Variants in DACH2 observed in about 807,000 individuals in gnomAD.
DACH2 encodes the protein dachshund family transcription factor 2.
A neutral mutation model predicts 35.8 loss-of-function variants in DACH2; 17 were observed. The observed-to-expected ratio is 0.48, with a 90% confidence interval of 0.33 to 0.71. The LOEUF (loss-of-function observed/expected upper bound fraction) is 0.71, where lower values mean the gene tolerates loss of function less well. Ranked by LOEUF, DACH2 falls within the 30% of genes least tolerant of loss-of-function variation. The pLI, the probability that DACH2 is intolerant of heterozygous loss-of-function variation, is 0.02. For synonymous variants in DACH2, 195 were observed against 177.3 expected (o/e 1.10, Z -0.79); for missense variants, 469 against 472.7 (o/e 0.99, Z 0.07).
chrX:86,349,471 G>A (rs988650279), intron 1 of DACH2, among the ~76,000 whole-genome samples: 1 of 111,958 alleles, frequency 8.9e-6, no homozygotes, highest in Non-Finnish European at 1.9e-5. Flanking sequence ...CTTTGGGTGC[G>A]AAAACAGGAG....
Position 86,521,762 on chromosome X carries a change from T to C in DACH2, c.640+7371T>C, listed in dbSNP as rs775849838. Among the ~76,000 whole-genome samples the C allele has an allele frequency of 6.2e-5, 7 of 112,111 alleles. No individual in the cohort carries two copies. In the East Asian group the frequency reaches 8.4e-4, roughly 13 times the overall value. On this transcript the variant is annotated intron_variant, in intron 3 of 11. Coordinates refer to ENST00000373125, the MANE Select transcript of DACH2 (RefSeq NM_053281.3). ...ACATAAATTCCTTCCTTAGTTTACA[T>C]GAATTTATTTTATATGCCCAGCAGT...
chrX:86,343,462 A>C (rs2035446625), intron 1 of DACH2, among the ~76,000 whole-genome samples: 1 of 111,712 alleles, frequency 9.0e-6, no homozygotes, highest in South Asian at 3.7e-4. Context: ...CAGAGCTGTG[A>C]CTTAGAGTTT....
intron 1 of DACH2, among the ~76,000 whole-genome samples, chrX:86,316,604 C>G (rs762704972): frequency 2.7e-5 from 3 of 111,635 alleles, no homozygotes; most frequent in Non-Finnish European, 5.6e-5. Context: ...GAATGGAATA[C>G]CTAATGGCTG....
chrX:86,414,100 G>A (rs1455033977), intron 2 of DACH2, among the ~76,000 whole-genome samples: 1 of 111,428 alleles, frequency 9.0e-6, no homozygotes, highest in Non-Finnish European at 1.9e-5. Flanking sequence ...TCCTCAAGGG[G>A]ACCCAGCCTC....
chrX:86,208,547 G>A (rs369673959), intron 1 of DACH2, among the ~76,000 whole-genome samples: 103 of 111,285 alleles, frequency 9.3e-4, no homozygotes, highest in Middle Eastern at 9.3e-3. Flanking sequence ...AAAAATATTA[G>A]CACTATTACT....
chrX:86,283,780 G>A (rs1249862955), intron 1 of DACH2, among the ~76,000 whole-genome samples: 2 of 108,567 alleles, frequency 1.8e-5, no homozygotes, highest in Non-Finnish European at 1.9e-5. Context: ...AATATAGATG[G>A]GTTGATGGGT....
chrX:86,520,638 A>G (rs1473799456), intron 3 of DACH2, among the ~76,000 whole-genome samples: 1 of 111,764 alleles, frequency 8.9e-6, no homozygotes, highest in African/African-American at 3.2e-5. Context: ...GCTGAATTAA[A>G]GACTTTACCA....
At chrX:86,544,720 A>G (rs1285195221) in intron 3 of DACH2, among the ~76,000 whole-genome samples, 1 of 111,810 alleles carries the variant, frequency 8.9e-6, no homozygotes, top group African/African-American at 3.3e-5. Flanking sequence ...GACACTATGC[A>G]GCAACAACAC....
chrX:86,185,237 A>G (rs982626638), intron 1 of DACH2, among the ~76,000 whole-genome samples: 25 of 112,028 alleles, frequency 2.2e-4, no homozygotes, highest in African/African-American at 8.1e-4. Flanking sequence ...ATATTTGGCA[A>G]CTTGCATACG....
chrX:86,547,318 TG>T (rs1327788949), intron 3 of DACH2, among the ~76,000 whole-genome samples: 1 of 111,914 alleles, frequency 8.9e-6, no homozygotes, highest in South Asian at 3.7e-4. Context: ...AAAATTTCAT[TG>T]GCCAGTGGGA....
chrX:86,262,292 C>A (rs1387026574), intron 1 of DACH2, among the ~76,000 whole-genome samples: 6 of 110,893 alleles, frequency 5.4e-5, no homozygotes, highest in African/African-American at 2.0e-4. Context: ...TGTCTCAAAA[C>A]AAAACAAAAC....
chrX:86,491,893 C>T (rs1275106378), intron 2 of DACH2, among the ~76,000 whole-genome samples: 1 of 111,434 alleles, frequency 9.0e-6, no homozygotes, highest in East Asian at 2.8e-4. Context: ...GTTACCCAAT[C>T]TATATTTTGC....
intron 1 of DACH2, among the ~76,000 whole-genome samples, chrX:86,169,080 A>G (rs1464503071): frequency 9.0e-6 from 1 of 111,625 alleles, no homozygotes; most frequent in Non-Finnish European, 1.9e-5. Flanking sequence ...CTTATAAGAT[A>G]GGTCTGATGT....
At chrX:86,556,789 TATATATAGAGAGAGAGAGAG>T (rs1804469169) in intron 3 of DACH2, among the ~76,000 whole-genome samples, 1 of 37,262 alleles carries the variant, frequency 2.7e-5, no homozygotes, top group African/African-American at 1.2e-4. Context: ...TATATATATA[TATATATAGAGAGAGAGAGAG>T]AGAGAGAGAG....
intron 2 of DACH2, among the ~76,000 whole-genome samples, chrX:86,508,121 A>C (rs1027430091): frequency 3.6e-5 from 4 of 111,824 alleles, no homozygotes; most frequent in African/African-American, 1.3e-4. Context: ...TGTGAATGTT[A>C]ATTTCTTATC....
chrX:86,372,750 G>A (rs1273221946), intron 1 of DACH2, among the ~76,000 whole-genome samples: 2 of 110,949 alleles, frequency 1.8e-5, no homozygotes, highest in Non-Finnish European at 3.8e-5. Flanking sequence ...TGAGGTTTGA[G>A]GTGTGAATGA....
At chrX:86,226,285 T>C (rs2032821437) in intron 1 of DACH2, among the ~76,000 whole-genome samples, 1 of 111,667 alleles carries the variant, frequency 9.0e-6, no homozygotes, top group Admixed American at 9.5e-5. Flanking sequence ...CTTCTTTCAG[T>C]GAACAGAAAA....
chrX:86,334,281 T>C (rs1298515892), intron 1 of DACH2, among the ~76,000 whole-genome samples: 1 of 112,027 alleles, frequency 8.9e-6, no homozygotes, highest in African/African-American at 3.2e-5. Context: ...AGTAATGGGA[T>C]TGCTGGGTCA....
chrX:86,208,410 C>T (rs1232671715), intron 1 of DACH2, among the ~76,000 whole-genome samples: 3 of 111,258 alleles, frequency 2.7e-5, no homozygotes, highest in Admixed American at 1.9e-4. Context: ...TGTGAACATC[C>T]AACTTCACAC....
Sources: allele counts gnomAD v4.1 joint callset (sites outside exome capture counted in the v4.1 genomes callset), GRCh38; gene constraint gnomAD v4.1.1; transcripts MANE v1.5; gene names NCBI Gene and HGNC (gene_info 2026-07-23, HGNC 2026-07-21).